The following PALD1 variants were observed in gnomAD, a reference collection of about 807,000 sequenced individuals.
The protein encoded by PALD1 is phosphatase domain containing paladin 1.
In PALD1, 57 loss-of-function variants were observed where a neutral mutation model predicts 96.0. The ratio of observed to expected loss-of-function variants is 0.59; its 90% CI spans 0.48 to 0.74. The LOEUF (loss-of-function observed/expected upper bound fraction) is 0.74. Ranked by LOEUF, PALD1 falls within the 30% of genes least tolerant of loss-of-function variation. PALD1 has a pLI of 0.00. For synonymous variants in PALD1, 464 were observed against 473.6 expected, an observed-to-expected ratio of 0.98 and a Z score of 0.26; for missense variants, 1,063 against 1,143.7, an observed-to-expected ratio of 0.93 and a Z score of 1.02.
chr10:70,495,944 A>G (rs547847900), intron 1 of PALD1, among the ~76,000 whole-genome samples: 14 of 152,054 alleles, frequency 9.2e-5, no homozygotes, highest in Non-Finnish European at 1.5e-4. Context: ...CTGGGAGGTC[A>G]AGGCTGCAGT....
intron 2 of PALD1, among the ~76,000 whole-genome samples, chr10:70,527,906 A>G (rs1176840837): frequency 6.6e-6 from 1 of 152,052 alleles, no homozygotes; most frequent in Non-Finnish European, 1.5e-5. Flanking sequence ...CGTCAGGCAT[A>G]TCTCCCAATG....
intron 18 of PALD1, among the ~76,000 whole-genome samples, chr10:70,552,158 C>T (rs964619178): frequency 6.6e-6 from 1 of 152,190 alleles, no homozygotes; most frequent in Non-Finnish European, 1.5e-5. Context: ...CTGACGTTCT[C>T]GTAGGGCAGA....
intron 1 of PALD1, among the ~76,000 whole-genome samples, chr10:70,525,054 T>A (rs1023199509): frequency 6.6e-6 from 1 of 152,144 alleles, no homozygotes; most frequent in Non-Finnish European, 1.5e-5. Flanking sequence ...TAGGCTGGAG[T>A]GGAGTGGCTC....
the PALD1 span, among the ~76,000 whole-genome samples, chr10:70,460,749 C>T: frequency 2.0e-5 from 3 of 152,164 alleles, no homozygotes; most frequent in African/African-American, 7.2e-5. Flanking sequence ...CCTCTCATTG[C>T]CTGTAGGATG....
chr10:70,505,560 C>T (rs1373027294), intron 1 of PALD1, among the ~76,000 whole-genome samples: 4 of 152,048 alleles, frequency 2.6e-5, no homozygotes, highest in East Asian at 1.9e-4. Flanking sequence ...GCCGAGATCA[C>T]GTCATTGTAC....
At position 70,539,850 on chromosome 10, in the gene PALD1, C is replaced by A; in HGVS notation, c.1908+88C>A. The A allele has an allele frequency of 8.4e-7, 1 of 1,192,684 alleles. No individual in the cohort carries two copies. Among genetic ancestry groups the A allele is most frequent in the Non-Finnish European group, 1.2e-6 (1 of 845,358 alleles). The allele number at this position is 1,192,684 out of a possible 1,614,324, so 73.9% of individuals were successfully genotyped here. Reference sequence around the variant, plus strand: ...TGGTCTGGGCTCTGGGAGAATGAAACGACCCCAGCTTCTCTACGGGGCCCG... The same window carrying A: ...TGGTCTGGGCTCTGGGAGAATGAAAAGACCCCAGCTTCTCTACGGGGCCCG... On this transcript the variant is annotated intron_variant, in intron 15 of 19. Coordinates refer to ENST00000263563, the MANE Select transcript of PALD1 (RefSeq NM_014431.3). This position sits in a 1 kb window ranked among gnomAD's most constrained non-coding sequence, Gnocchi z 4.5.
intron 7 of PALD1, 131 bp from the exon 8 acceptor site, chr10:70,533,791 A>T: frequency 1.3e-6 from 1 of 766,592 alleles, no homozygotes; most frequent in Non-Finnish European, 2.0e-6. Context: ...AGAGGCCAAG[A>T]CACCTATTGG....
intron 18 of PALD1, among the ~76,000 whole-genome samples, chr10:70,548,394 C>G (rs750937244): frequency 1.3e-5 from 2 of 152,204 alleles, no homozygotes; most frequent in Admixed American, 1.3e-4. Flanking sequence ...CTGCCTGGGT[C>G]CCCAATACTC....
intron 18 of PALD1, among the ~76,000 whole-genome samples, chr10:70,554,503 A>G (rs66824307): frequency 0.64 from 96,898 of 152,002 alleles, 31,478 homozygotes; most frequent in Middle Eastern, 0.8. Flanking sequence ...AGCCACTTCC[A>G]GCGCTTTGGA....
the PALD1 span, among the ~76,000 whole-genome samples, chr10:70,469,155 C>T: frequency 6.6e-6 from 1 of 152,118 alleles, no homozygotes; most frequent in Non-Finnish European, 1.5e-5. Flanking sequence ...GGCTGGCAGG[C>T]GGCTAAGGGT....
chr10:70,499,752 G>A (rs1564687040), intron 1 of PALD1, among the ~76,000 whole-genome samples: 1 of 152,190 alleles, frequency 6.6e-6, no homozygotes, highest in Non-Finnish European at 1.5e-5. Flanking sequence ...TCATTCTTGT[G>A]GGTTTTGTTT....
chr10:70,510,540 C>G (rs945074235), intron 1 of PALD1, among the ~76,000 whole-genome samples: 1 of 152,202 alleles, frequency 6.6e-6, no homozygotes, highest in Admixed American at 6.5e-5. Flanking sequence ...CAGGAGCCAG[C>G]CTTTTTCAGA....
the PALD1 span, among the ~76,000 whole-genome samples, chr10:70,469,833 G>A: frequency 3.8e-4 from 57 of 151,982 alleles, no homozygotes; most frequent in African/African-American, 1.3e-3. Context: ...TCGCTCTGTC[G>A]CCCAGGCTGG....
rs1222541530 is a variant in PALD1, at chr10:70,478,862, GC to G, written c.-225del. On this transcript the variant is annotated 5_prime_UTR_variant, in exon 1 of 20. Coordinates refer to ENST00000263563, the MANE Select transcript of PALD1 (RefSeq NM_014431.3). ...GTGAGCACGGGCTCCCTCTCGCGTG[GC>G]CTCGCCGGGTCCGCCTGGCCTGCCC... 2 of 151,878 alleles carry G rather than the reference GC, an allele frequency of 1.3e-5. No homozygotes were observed. Among genetic ancestry groups the G allele is most frequent in the Non-Finnish European group, 2.9e-5 (2 of 67,976 alleles). 9.4% of individuals were successfully genotyped at this position (151,878 alleles called of 1,614,324 possible).
At chr10:70,552,940 C>G (rs980669846) in intron 18 of PALD1, among the ~76,000 whole-genome samples, 2 of 152,148 alleles carry the variant, frequency 1.3e-5, no homozygotes, top group African/African-American at 4.8e-5. Flanking sequence ...TCTTCCTGGG[C>G]TTCCTGGAGC....
chr10:70,534,335 C>T (rs1847061747), intron 8 of PALD1, 90 bp from the exon 9 acceptor site: 1 of 880,730 alleles, frequency 1.1e-6, no homozygotes, highest in African/African-American at 1.7e-5. Flanking sequence ...GTCTGGTGTC[C>T]CCCAGCGGCC....
intron 1 of PALD1, among the ~76,000 whole-genome samples, chr10:70,489,972 G>T (rs1789375956): frequency 6.6e-6 from 1 of 151,926 alleles, no homozygotes; most frequent in African/African-American, 2.4e-5. Flanking sequence ...GCCCAGTCTG[G>T]AGTATAGTGG....
At chr10:70,530,559 TC>T (rs1846970939) in intron 4 of PALD1, among the ~76,000 whole-genome samples, 1 of 152,122 alleles carries the variant, frequency 6.6e-6, no homozygotes, top group Non-Finnish European at 1.5e-5. Flanking sequence ...GCAGCTGAAT[TC>T]CCAAGTGCCT....
At chr10:70,485,979 A>G (rs1846011468) in intron 1 of PALD1, 1 of 201,518 alleles carries the variant, frequency 5.0e-6, no homozygotes, top group Admixed American at 4.9e-5. Context: ...ATCCAAGAAC[A>G]TCTTCGTGCT....
Sources: gnomAD v4.1 joint callset for allele counts (sites outside exome capture counted in the v4.1 genomes callset) on GRCh38, gnomAD v4.1.1 for gene constraint, Gnocchi (gnomAD v3.1) non-coding constraint, MANE v1.5 for transcripts, NCBI Gene and HGNC (gene_info 2026-07-23, HGNC 2026-07-21) for gene names.